Variants in CXCR4 observed in about 807,000 individuals in gnomAD.
CXCR4 encodes C-X-C motif chemokine receptor 4, also known as C-X-C chemokine receptor type 4.
Under a neutral mutation model 22.4 loss-of-function variants are expected in CXCR4, and 6 were observed. The observed-to-expected ratio is 0.27, with a 90% confidence interval of 0.15 to 0.53. The LOEUF is 0.53. CXCR4 is among the 20% of genes least tolerant of loss of function. CXCR4 has a pLI of 0.96. For synonymous variants in CXCR4, 155 were observed against 171.7 expected, an observed-to-expected ratio of 0.90 and a Z score of 0.76; for missense variants, 300 against 430.4, an observed-to-expected ratio of 0.70 and a Z score of 2.68.
intron 1 of CXCR4, chr2:136,116,318 G>T: frequency 1.2e-6 from 1 of 859,822 alleles, no homozygotes; most frequent in East Asian, 8.3e-5. Flanking sequence ...GGTGGGTGCT[G>T]CTAGGAGGGG....
chr2:136,115,161 T>C lies in CXCR4; in HGVS notation c.767A>G (p.Tyr256Cys). 1 of 1,614,134 alleles carries C rather than the reference T, an allele frequency of 6.2e-7. No homozygotes were observed. The highest frequency in any genetic ancestry group is 1.1e-5 in the South Asian group (1 of 91,090). Reference protein sequence around the residue: ...LAFFACWLPYYIGISIDSFIL... With the variant: ...LAFFACWLPYCIGISIDSFIL... Reference sequence around the variant, plus strand: ...GAAGGAGTCGATGCTGATCCCAATGTAGTAAGGCAGCCAACAGGCGAAGAA... The same window carrying C: ...GAAGGAGTCGATGCTGATCCCAATGCAGTAAGGCAGCCAACAGGCGAAGAA... The change falls in exon 2 of 2, where the codon TAC becomes TGC. Residue 256 changes from tyrosine to cysteine, a missense_variant. Physicochemically the swap from Tyr to Cys is radical, Grantham distance 194. Coordinates refer to ENST00000241393, the MANE Select transcript of CXCR4 (RefSeq NM_003467.3). This position sits in a 1 kb window ranked among gnomAD's most constrained non-coding sequence, Gnocchi z 6.4.
chr2:136,115,747 G>C lies in CXCR4; in HGVS notation c.181C>G (p.Leu61Val). The change falls in exon 2 of 2, where the codon CTG (leucine) becomes GTG (valine). Residue 61 changes from leucine to valine, a missense_variant. Physicochemically the swap from Leu to Val is conservative, Grantham distance 32 (BLOSUM62 1). Coordinates refer to ENST00000241393, the MANE Select transcript of CXCR4 (RefSeq NM_003467.3). The surrounding 1 kb of genome is among the most constrained non-coding windows in gnomAD (Gnocchi z 6.4). ...AGTTTCTTCTGGTAACCCATGACCA[G>C]GATGACCAATCCATTGCCCACAATG... is the stretch of plus-strand genomic sequence containing the variant. Reference protein sequence around the residue: ...TGIVGNGLVILVMGYQKKLRS... With the variant: ...TGIVGNGLVIVVMGYQKKLRS... The C allele has an allele frequency of 6.2e-7, 1 of 1,614,202 alleles. No individual in the cohort carries two copies. The highest frequency in any genetic ancestry group is 8.5e-7 in the Non-Finnish European group (1 of 1,180,036).
At chr2:136,117,293 A>C (rs187043764) in intron 1 of CXCR4, among the ~76,000 whole-genome samples, 1 of 151,964 alleles carries the variant, frequency 6.6e-6, no homozygotes. Context: ...ACGACCCCAA[A>C]CTCTCGAACT....
intron 1 of CXCR4, chr2:136,116,374 A>T (rs1163307241): frequency 3.5e-5 from 7 of 199,314 alleles, no homozygotes; most frequent in Non-Finnish European, 4.3e-5. Flanking sequence ...GGGAGGGAAG[A>T]GGGGAGAAGG....
At chr2:136,117,681 C>G (rs1286880069) in intron 1 of CXCR4, 1 of 215,616 alleles carries the variant, frequency 4.6e-6, no homozygotes, top group Non-Finnish European at 9.3e-6. Flanking sequence ...AAGGAAGAGA[C>G]CGGTGGTCTG....
chr2:136,116,031 C>T, intron 1 of CXCR4, 119 bp from the exon 2 acceptor site: 4 of 1,574,878 alleles, frequency 2.5e-6, no homozygotes, highest in South Asian at 1.2e-5. Context: ...TCAGGAAATT[C>T]TGAAGTAGTG....
intron 1 of CXCR4, chr2:136,117,820 TTTC>T: frequency 1.9e-6 from 1 of 535,598 alleles, no homozygotes. Flanking sequence ...TGGAACGCTC[TTTC>T]CAGTCGTTTC....
In CXCR4 at chr2:136,114,524, C is replaced by T. The variant is rs559686336; in HGVS notation, c.*345G>A. ...TCTTAAGAACAGGAAAAACGTTCCA[C>T]GGGAATGGAGAGATTATCTATGCAT... On this transcript the variant is annotated 3_prime_UTR_variant, in exon 2 of 2. Coordinates refer to ENST00000241393, the MANE Select transcript of CXCR4 (RefSeq NM_003467.3). 3.6e-5 allele frequency: 9 copies of T among 252,452 alleles called. No individual in the cohort carries two copies. The highest frequency in any genetic ancestry group is 1.0e-4 in the South Asian group (1 of 9,976). 15.6% of individuals were successfully genotyped at this position (252,452 alleles called of 1,614,324 possible).
Position 136,115,394 on chromosome 2 carries a change from A to G in CXCR4, c.534T>C (p.Ser178=). ...TIPDFIFANV[S]EADDRYICDR... ...CACAGATATATCTGTCATCTGCCTCACTGACGTTGGCAAAGATGAAGTCGG... is the reference window on the plus strand; with the variant it reads ...CACAGATATATCTGTCATCTGCCTCGCTGACGTTGGCAAAGATGAAGTCGG... The change falls in exon 2 of 2, where the codon AGT becomes AGC. Residue 178 remains serine (S), a synonymous_variant. Transcript: ENST00000241393. This position sits in a 1 kb window ranked among gnomAD's most constrained non-coding sequence, Gnocchi z 6.4. 1.2e-6 allele frequency: 2 copies of G among 1,614,196 alleles called. No individual in the cohort carries two copies. Among genetic ancestry groups the G allele is most frequent in the Non-Finnish European group, 1.7e-6 (2 of 1,180,030 alleles).
chr2:136,116,301 G>A, intron 1 of CXCR4: 2 of 1,066,656 alleles, frequency 1.9e-6, no homozygotes, highest in East Asian at 7.1e-5. Context: ...GGCGGCGTGG[G>A]GGGTGGGGTG....
chr2:136,116,230 G>A, intron 1 of CXCR4: 1 of 1,241,848 alleles, frequency 8.1e-7, no homozygotes, highest in Non-Finnish European at 1.0e-6. Context: ...GCCCACTAGA[G>A]GGAAGAAAAA....
intron 1 of CXCR4, among the ~76,000 whole-genome samples, chr2:136,116,973 T>G (rs1257238969): frequency 1.3e-5 from 2 of 152,238 alleles, no homozygotes; most frequent in East Asian, 1.9e-4. Context: ...GGGGAGCGAC[T>G]GGGCGGCTCC....
intron 1 of CXCR4, 161 bp from the exon 2 acceptor site, chr2:136,116,073 C>T (rs879110090): frequency 2.0e-6 from 3 of 1,528,228 alleles, no homozygotes; most frequent in East Asian, 4.9e-5. Context: ...AATGTAGAAT[C>T]CTACAACTCT....
intron 1 of CXCR4, 177 bp downstream of exon 1, chr2:136,117,869 T>TCCACCCCCCCC: frequency 5.9e-6 from 1 of 170,812 alleles, no homozygotes. Flanking sequence ...CCAATCCTGC[T>TCCACCCCCCCC]CCCCCCCCAC....
rs56400844 is a variant in CXCR4 at position 136,115,771 on chromosome 2, T to G, written c.157A>C (p.Ile53Leu). The G allele has an allele frequency of 4.0e-4, 643 of 1,614,232 alleles. 1 individual carries two copies. The highest frequency in any genetic ancestry group is 1.6e-3 in the Middle Eastern group (10 of 6,062). The change falls in exon 2 of 2, where the codon ATT becomes CTT. Residue 53 changes from isoleucine to leucine, a missense_variant. Coordinates refer to ENST00000241393, the MANE Select transcript of CXCR4 (RefSeq NM_003467.3). This position sits in a 1 kb window ranked among gnomAD's most constrained non-coding sequence, Gnocchi z 6.4. ...TIYSIIFLTG[I>L]VGNGLVILVM... is the part of the protein sequence containing the mutation. The stretch of plus-strand genomic sequence containing the variant: ...AGGATGACCAATCCATTGCCCACAA[T>G]GCCAGTTAAGAAGATGATGGAGTAG...
In CXCR4 at chr2:136,115,898, A is replaced by G. The variant is rs1245012855; in HGVS notation, c.30T>C (p.Asp10=). ...CTGAGCCCATTTCCTCGGTGTAGTTATCTGAAGTGTATATCTGCAAAAGAG... is the reference window on the plus strand; with the variant it reads ...CTGAGCCCATTTCCTCGGTGTAGTTGTCTGAAGTGTATATCTGCAAAAGAG... MEGISIYTS[D]NYTEEMGSGD... is the part of the protein sequence containing the mutation. The change falls in exon 2 of 2, where the codon GAT becomes GAC. Residue 10 remains aspartate (D), a synonymous_variant. Coordinates refer to ENST00000241393, the MANE Select transcript of CXCR4 (RefSeq NM_003467.3). This position sits in a 1 kb window ranked among gnomAD's most constrained non-coding sequence, Gnocchi z 6.4. 6.2e-6 allele frequency: 10 copies of G among 1,614,192 alleles called. No individual in the cohort carries two copies. The highest frequency in any genetic ancestry group is 7.6e-6 in the Non-Finnish European group (9 of 1,180,030).
intron 1 of CXCR4, 191 bp from the exon 2 acceptor site, chr2:136,116,103 A>C (rs1684882460): frequency 2.7e-6 from 4 of 1,494,104 alleles, no homozygotes; most frequent in Non-Finnish European, 3.6e-6. Context: ...CTTTTCCCAT[A>C]GTGACTTCAT....
chr2:136,115,460 G>A lies in CXCR4; in HGVS notation c.468C>T (p.Val156=), dbSNP rs1684858674. The part of the protein sequence containing the change: ...RPRKLLAEKV[V]YVGVWIPALL... ...GGGCAGGGATCCAGACGCCAACATA[G>A]ACCACCTTTTCAGCCAACAGCTTCC... The change falls in exon 2 of 2, where the codon GTC becomes GTT. Residue 156 remains valine, a synonymous_variant. Coordinates refer to ENST00000241393, the MANE Select transcript of CXCR4 (RefSeq NM_003467.3). The surrounding 1 kb of genome is among the most constrained non-coding windows in gnomAD (Gnocchi z 6.4). The A allele has an allele frequency of 6.2e-7, 1 of 1,614,098 alleles. No individual in the cohort carries two copies. Among genetic ancestry groups the A allele is most frequent in the African/African-American group, 1.3e-5 (1 of 74,926 alleles).
chr2:136,117,862 A>G (rs544671922), intron 1 of CXCR4, 184 bp downstream of exon 1: 20 of 304,982 alleles, frequency 6.6e-5, no homozygotes, highest in African/African-American at 4.1e-4. Flanking sequence ...AAAGATTCCA[A>G]TCCTGCTCCC....
Sources: gnomAD v4.1 joint callset for allele counts (sites outside exome capture counted in the v4.1 genomes callset) on GRCh38, gnomAD v4.1.1 for gene constraint, Gnocchi (gnomAD v3.1) non-coding constraint, MANE v1.5 for transcripts, NCBI Gene and HGNC (gene_info 2026-07-23, HGNC 2026-07-21) for gene names.